GRID1: variants seen among roughly 807,000 people sequenced by gnomAD.
GRID1 encodes glutamate receptor ionotropic, delta-1.
In GRID1, 28 loss-of-function variants were observed where a neutral mutation model predicts 98.0. The observed-to-expected ratio is 0.29, with a 90% CI of 0.21 to 0.39. GRID1 has a LOEUF of 0.39. GRID1 is among the 10% of genes least tolerant of loss of function. The pLI is 1.00. For synonymous variants in GRID1, 553 were observed against 538.5 expected (o/e 1.03, Z -0.37); for missense variants, 1,111 against 1,340.5 (o/e 0.83, Z 2.67).
At position 85,956,717 on chromosome 10, in the gene GRID1, A is replaced by G. The variant is rs544441280; in HGVS notation, c.727-40478T>C. 9.8e-5 allele frequency among the ~76,000 whole-genome samples: 15 copies of G among 152,298 alleles called. No homozygotes were observed. In the East Asian group the frequency reaches 2.7e-3, roughly 27 times the overall value. On this transcript the variant is annotated intron_variant, in intron 4 of 15. Transcript: ENST00000327946. ...ATTAATGGAAAATGCCCTTTCTCCC[A>G]TTTAGGAGTGCAGAACAGAGTAGGC...
intron 10 of GRID1, among the ~76,000 whole-genome samples, chr10:85,726,371 A>G (rs1841760123): frequency 1.3e-5 from 2 of 152,176 alleles, no homozygotes; most frequent in African/African-American, 4.8e-5. Flanking sequence ...GCAGTACTGA[A>G]GGGCCCAGCT....
At chr10:85,735,533 A>G (rs2132665507) in intron 8 of GRID1, among the ~76,000 whole-genome samples, 1 of 152,250 alleles carries the variant, frequency 6.6e-6, no homozygotes, top group South Asian at 2.1e-4. Flanking sequence ...TCTGAGTTGT[A>G]AGATGTGGGC....
At chr10:86,306,892 G>T (rs1323531732) in intron 2 of GRID1, among the ~76,000 whole-genome samples, 2 of 152,230 alleles carry the variant, frequency 1.3e-5, no homozygotes, top group African/African-American at 2.4e-5. Flanking sequence ...TTGCGATACA[G>T]TTGGTATACC....
chr10:86,144,620 C>G (rs1845058551), intron 3 of GRID1, among the ~76,000 whole-genome samples: 1 of 152,292 alleles, frequency 6.6e-6, no homozygotes, highest in East Asian at 1.9e-4. Context: ...CCTCCTCGGT[C>G]TTTGTCTTCC....
rs892259415 is a variant in GRID1, at chr10:85,882,036, T to C, written c.781-12856A>G. ...ACCATGGAAAAATGCTCATCATCAC[T>C]GGCCATCAGAGAAATGCAAATCAAA... On this transcript the variant is annotated intron_variant, in intron 5 of 15. Transcript: ENST00000327946. 4.6e-5 allele frequency among the ~76,000 whole-genome samples: 7 copies of C among 152,342 alleles called. No homozygotes were observed. The East Asian group carries it at 9.6e-4, about 21-fold the overall frequency.
intron 3 of GRID1, among the ~76,000 whole-genome samples, chr10:86,202,422 C>G (rs1383581088): frequency 6.6e-6 from 1 of 152,222 alleles, no homozygotes; most frequent in East Asian, 1.9e-4. Flanking sequence ...CTAGCACCCC[C>G]CTCCCACCTC....
At chr10:86,107,056 C>T (rs1844401254) in intron 4 of GRID1, among the ~76,000 whole-genome samples, 1 of 152,166 alleles carries the variant, frequency 6.6e-6, no homozygotes, top group Non-Finnish European at 1.5e-5. Context: ...CCAAGTGACA[C>T]AAATCCTGCA....
At chr10:85,726,913 A>T (rs1423947080) in intron 10 of GRID1, among the ~76,000 whole-genome samples, 1 of 152,256 alleles carries the variant, frequency 6.6e-6, no homozygotes, top group East Asian at 1.9e-4. Context: ...ATTTTATAGT[A>T]TGTGAATTTA....
chr10:85,756,079 CT>C (rs112376042), intron 8 of GRID1, among the ~76,000 whole-genome samples: 7,571 of 152,202 alleles, frequency 0.05, 320 homozygotes, highest in African/African-American at 0.11. Flanking sequence ...AATACCCCCC[CT>C]AGTGGGAGCC....
chr10:86,099,191 T>C (rs1844260557), intron 4 of GRID1, among the ~76,000 whole-genome samples: 1 of 152,206 alleles, frequency 6.6e-6, no homozygotes, highest in Non-Finnish European at 1.5e-5. Flanking sequence ...TCCACATCTA[T>C]AACCCAGCTC....
chr10:85,635,094 T>A (rs185126467), intron 13 of GRID1, among the ~76,000 whole-genome samples: 2 of 139,938 alleles, frequency 1.4e-5, no homozygotes, highest in East Asian at 4.6e-4. Context: ...TTGAAAATAA[T>A]CAAGGTTAGC....
At chr10:85,737,607 A>C (rs548362884) in intron 8 of GRID1, among the ~76,000 whole-genome samples, 205 of 147,362 alleles carry the variant, frequency 1.4e-3, no homozygotes, top group African/African-American at 4.8e-3. Flanking sequence ...TATAGAAAGG[A>C]GCGAGAGGAT....
chr10:86,336,694 A>C (rs1848226397), intron 2 of GRID1, among the ~76,000 whole-genome samples: 1 of 152,226 alleles, frequency 6.6e-6, no homozygotes, highest in Admixed American at 6.5e-5. Flanking sequence ...CTCATTTGCC[A>C]GAAGGCAACA....
rs894162984 is a variant in GRID1 at position 85,940,470 on chromosome 10, T to C, written c.727-24231A>G. Among the ~76,000 whole-genome samples the C allele has an allele frequency of 2.6e-5, 4 of 152,164 alleles. No individual in the cohort carries two copies. The East Asian group carries it at 5.8e-4, about 22-fold the overall frequency. On this transcript the variant is annotated intron_variant, in intron 4 of 15. Transcript: ENST00000327946. The stretch of plus-strand genomic sequence containing the variant: ...CAAAGCTATTGGGATGAATAATAAA[T>C]GCAGATTCCAGGGTGCACACACTGA...
intron 2 of GRID1, among the ~76,000 whole-genome samples, chr10:86,360,885 T>C (rs922125766): frequency 3.9e-5 from 6 of 152,196 alleles, no homozygotes; most frequent in South Asian, 2.1e-4. Context: ...TATCACTGCA[T>C]GGCACTGCCT....
intron 2 of GRID1, among the ~76,000 whole-genome samples, chr10:86,226,048 A>G (rs1409240707): frequency 6.6e-6 from 1 of 152,096 alleles, no homozygotes; most frequent in Non-Finnish European, 1.5e-5. Context: ...AAGACCCTGC[A>G]GGTGGACAGG....
chr10:85,899,363 T>G (rs1245604325), intron 5 of GRID1, among the ~76,000 whole-genome samples: 1 of 152,220 alleles, frequency 6.6e-6, no homozygotes, highest in Non-Finnish European at 1.5e-5. Flanking sequence ...TGAATAGCGC[T>G]GCAATCCACA....
At chr10:85,726,573 C>T (rs1353397344) in intron 10 of GRID1, among the ~76,000 whole-genome samples, 2 of 152,100 alleles carry the variant, frequency 1.3e-5, no homozygotes, top group Admixed American at 6.5e-5. Context: ...GTTTGTCTGG[C>T]CACCCATAGA....
At chr10:85,687,613 GAGC>G (rs1275363126) in intron 12 of GRID1, among the ~76,000 whole-genome samples, 1 of 151,754 alleles carries the variant, frequency 6.6e-6, no homozygotes, top group East Asian at 1.9e-4. Flanking sequence ...CTGGGTGACA[GAGC>G]AAGACTCTGT....
Sources: gnomAD v4.1 joint callset for allele counts (sites outside exome capture counted in the v4.1 genomes callset) on GRCh38, gnomAD v4.1.1 for gene constraint, MANE v1.5 for transcripts, NCBI Gene and HGNC (gene_info 2026-07-23, HGNC 2026-07-21) for gene names.